The following SIRPA variants were observed in gnomAD, a reference collection of about 807,000 sequenced individuals.
The protein encoded by SIRPA is tyrosine-protein phosphatase non-receptor type substrate 1.
Under a neutral mutation model 50.3 loss-of-function variants are expected in SIRPA, and 9 were observed. That is an observed-to-expected ratio of 0.18 (90% CI 0.11 to 0.31). SIRPA has a LOEUF of 0.31. Among genes scored for constraint, SIRPA ranks in the 10% least tolerant of loss-of-function variants. SIRPA has a pLI of 1.00. For missense variants in SIRPA, 474 were observed against 661.6 expected, an observed-to-expected ratio of 0.72 and a Z score of 3.11; for synonymous variants, 265 against 284.1, an observed-to-expected ratio of 0.93 and a Z score of 0.68.
chr20:1,930,664 C>T (rs1347289953), intron 6 of SIRPA, among the ~76,000 whole-genome samples: 2 of 152,174 alleles, frequency 1.3e-5, no homozygotes, highest in African/African-American at 4.8e-5. Flanking sequence ...GATCTTGGCT[C>T]ACCACAACCT....
At chr20:1,915,043 G>T in intron 1 of SIRPA, 56 bp from the exon 2 acceptor site, 2 of 1,327,322 alleles carry the variant, frequency 1.5e-6, no homozygotes, top group Non-Finnish European at 2.1e-6. Context: ...AACACTTGAG[G>T]AAACACAGAG....
At chr20:1,929,669 C>T (rs558502686) in intron 6 of SIRPA, among the ~76,000 whole-genome samples, 2 of 152,230 alleles carry the variant, frequency 1.3e-5, no homozygotes, top group East Asian at 3.9e-4. Flanking sequence ...TGCCCAGCCT[C>T]CTGGCCTTTT....
chr20:1,912,709 C>T (rs768062578), intron 1 of SIRPA, among the ~76,000 whole-genome samples: 7 of 152,196 alleles, frequency 4.6e-5, no homozygotes, highest in Non-Finnish European at 7.3e-5. Flanking sequence ...GGGTGGATGC[C>T]GGAACCCCAC....
chr20:1,897,444 G>A (rs1030911314), intron 1 of SIRPA, among the ~76,000 whole-genome samples: 1 of 152,252 alleles, frequency 6.6e-6, no homozygotes. Flanking sequence ...GTCACACCAT[G>A]GGCCTGGGCA....
At chr20:1,931,038 T>G (rs745461152) in intron 6 of SIRPA, among the ~76,000 whole-genome samples, 6 of 152,372 alleles carry the variant, frequency 3.9e-5, no homozygotes, top group Middle Eastern at 3.4e-3. Context: ...TGCCTTTATG[T>G]GTATTAACCC....
intron 6 of SIRPA, among the ~76,000 whole-genome samples, chr20:1,929,141 TAGA>T (rs1214346723): frequency 6.6e-6 from 1 of 152,062 alleles, no homozygotes; most frequent in African/African-American, 2.4e-5. Context: ...CTGTGGGTGT[TAGA>T]AGGACTCGGG....
intron 2 of SIRPA, among the ~76,000 whole-genome samples, chr20:1,919,450 C>T (rs771433587): frequency 1.6e-4 from 24 of 152,138 alleles, no homozygotes; most frequent in Non-Finnish European, 2.8e-4. Context: ...AACGTGCACC[C>T]GGGACAGCTC....
chr20:1,895,071 C>T (rs1983689065), upstream of SIRPA, among the ~76,000 whole-genome samples: 4 of 150,978 alleles, frequency 2.6e-5, no homozygotes, highest in African/African-American at 7.3e-5. Flanking sequence ...GTCTGCGCGC[C>T]GCCTCGCTCC....
At chr20:1,909,021 G>A (rs1436686595) in intron 1 of SIRPA, among the ~76,000 whole-genome samples, 1 of 152,208 alleles carries the variant, frequency 6.6e-6, no homozygotes, top group African/African-American at 2.4e-5. Flanking sequence ...GATAGTAGAG[G>A]CAGCCCCCGA....
At position 1,902,805 on chromosome 20, in the gene SIRPA, A is replaced by G. The variant is rs6045318; in HGVS notation, c.79+7279A>G. Among the ~76,000 whole-genome samples the G allele has an allele frequency of 6.0e-3, 920 of 152,254 alleles. 9 individuals carry two copies. Among genetic ancestry groups the G allele is most frequent in the African/African-American group, 0.021 (860 of 41,540 alleles). ...GGTGGGCAGATCACCTGAGGTCAGG[A>G]GTTTGAGACCAGCCTGGCCAACATG... On this transcript the variant is annotated intron_variant, in intron 1 of 7. Coordinates refer to ENST00000358771, the MANE Select transcript of SIRPA (RefSeq NM_001040023.2).
chr20:1,911,894 A>C (rs1489959833), intron 1 of SIRPA, among the ~76,000 whole-genome samples: 2 of 151,888 alleles, frequency 1.3e-5, no homozygotes, highest in African/African-American at 4.8e-5. Flanking sequence ...AGTGATTTTT[A>C]ACAAGCCTGA....
At chr20:1,895,608 G>T in intron 1 of SIRPA, 82 bp downstream of exon 1, 1 of 1,107,916 alleles carries the variant, frequency 9.0e-7, no homozygotes. Flanking sequence ...GACCCCTTCG[G>T]CTAATGCCGA....
intron 1 of SIRPA, among the ~76,000 whole-genome samples, chr20:1,908,239 G>A (rs1984664434): frequency 6.6e-6 from 1 of 151,890 alleles, no homozygotes; most frequent in Non-Finnish European, 1.5e-5. Flanking sequence ...ACAGGCACAC[G>A]GACACCTGGG....
chr20:1,917,406 C>G (rs1293656402), intron 2 of SIRPA, among the ~76,000 whole-genome samples: 1 of 152,120 alleles, frequency 6.6e-6, no homozygotes, highest in African/African-American at 2.4e-5. Flanking sequence ...CTACTCATTC[C>G]AAACTCTTGC....
At chr20:1,926,782 T>C (rs965908119) in intron 5 of SIRPA, among the ~76,000 whole-genome samples, 1 of 152,136 alleles carries the variant, frequency 6.6e-6, no homozygotes, top group Non-Finnish European at 1.5e-5. Context: ...CCAAGGACCA[T>C]GTCTAGGACC....
chr20:1,912,468 C>A (rs777988126), intron 1 of SIRPA, among the ~76,000 whole-genome samples: 8 of 152,354 alleles, frequency 5.3e-5, no homozygotes, highest in Non-Finnish European at 1.2e-4. Flanking sequence ...TTCCTTCATT[C>A]ATTACCGCAT....
chr20:1,907,541 C>T (rs1984618903), intron 1 of SIRPA, among the ~76,000 whole-genome samples: 1 of 152,200 alleles, frequency 6.6e-6, no homozygotes, highest in South Asian at 2.1e-4. Flanking sequence ...CTTCCTTCAT[C>T]CCAGCCTCTG....
intron 1 of SIRPA, among the ~76,000 whole-genome samples, chr20:1,900,887 C>T (rs769376356): frequency 2.0e-5 from 3 of 152,170 alleles, no homozygotes; most frequent in Admixed American, 6.5e-5. Context: ...AGCCACCTGG[C>T]GATGCACGTC....
chr20:1,922,240 A>G, intron 3 of SIRPA, 73 bp from the exon 4 acceptor site: 1 of 1,583,610 alleles, frequency 6.3e-7, no homozygotes, highest in Non-Finnish European at 8.6e-7. Context: ...GTGGTGGGGG[A>G]GCTACGTTAT....
Sources: gnomAD v4.1 joint callset for allele counts (sites outside exome capture counted in the v4.1 genomes callset) on GRCh38, gnomAD v4.1.1 for gene constraint, MANE v1.5 for transcripts, NCBI Gene and HGNC (gene_info 2026-07-23, HGNC 2026-07-21) for gene names.